The following PHLPP1 variants were observed in gnomAD, a reference collection of about 807,000 sequenced individuals.
PHLPP1 encodes PH domain and leucine rich repeat protein phosphatase 1.
Under a neutral mutation model 117.2 loss-of-function variants are expected in PHLPP1, and 42 were observed. That is an observed-to-expected ratio of 0.36 (90% CI 0.28 to 0.46). The LOEUF (loss-of-function observed/expected upper bound fraction) is 0.46, where lower values mean the gene tolerates loss of function less well. Ranked by LOEUF, PHLPP1 falls within the 20% of genes least tolerant of loss-of-function variation. The pLI is 1.00. For synonymous variants in PHLPP1, 1,042 were observed against 970.7 expected, an observed-to-expected ratio of 1.07 and a Z score of -1.37; for missense variants, 2,084 against 2,241.9, an observed-to-expected ratio of 0.93 and a Z score of 1.42.
intron 4 of PHLPP1, among the ~76,000 whole-genome samples, chr18:62,871,160 A>G (rs1166509845): frequency 6.6e-6 from 1 of 152,158 alleles, no homozygotes; most frequent in Non-Finnish European, 1.5e-5. Context: ...GAAGAAGACA[A>G]CTTTTTGCTG....
At chr18:62,795,510 A>AC (rs1913605116) in intron 1 of PHLPP1, among the ~76,000 whole-genome samples, 1 of 151,564 alleles carries the variant, frequency 6.6e-6, no homozygotes, top group South Asian at 2.1e-4. Flanking sequence ...AAAAAAAAAA[A>AC]AAACAACAAC....
At chr18:62,903,595 C>T (rs1475538924) in intron 7 of PHLPP1, among the ~76,000 whole-genome samples, 1 of 151,858 alleles carries the variant, frequency 6.6e-6, no homozygotes, top group African/African-American at 2.4e-5. Flanking sequence ...AAAGAACTCA[C>T]CTTAATATAA....
At chr18:62,934,564 C>G (rs1909912747) in intron 10 of PHLPP1, among the ~76,000 whole-genome samples, 1 of 152,124 alleles carries the variant, frequency 6.6e-6, no homozygotes, top group Non-Finnish European at 1.5e-5. Context: ...ACTGAGGACT[C>G]TGAAAGAGAT....
chr18:62,760,984 C>T (rs1342148131), intron 1 of PHLPP1, among the ~76,000 whole-genome samples: 1 of 152,100 alleles, frequency 6.6e-6, no homozygotes, highest in Admixed American at 6.5e-5. Flanking sequence ...CTCAGCCTCC[C>T]AAGTAGCTGG....
At position 62,972,851 on chromosome 18, in the gene PHLPP1, G is replaced by T. The variant is rs1046964764; in HGVS notation, c.3755+143G>T. ...ACCAAGATGCATTCAGGCAAGTTTG[G>T]TGTTGCCCAGGCATCAGGAATGGTG... On this transcript the variant is annotated intron_variant, in intron 15 of 16. Transcript: ENST00000262719. The T allele has an allele frequency of 3.5e-5, 23 of 648,854 alleles. No homozygotes were observed. In the African/African-American group the frequency reaches 3.8e-4, roughly 11 times the overall value. The allele number at this position is 648,854 out of a possible 1,614,324, so 40.2% of individuals were successfully genotyped here.
chr18:62,938,938 A>G (rs539325483), intron 10 of PHLPP1, among the ~76,000 whole-genome samples: 1 of 151,908 alleles, frequency 6.6e-6, no homozygotes, highest in South Asian at 2.1e-4. Context: ...GTGTGTGTAT[A>G]ACTACATATT....
In PHLPP1 at chr18:62,945,241, T is replaced by C. The variant is rs776985958; in HGVS notation, c.3294T>C (p.Phe1098=). Residue 1098 remains phenylalanine (F), a synonymous_variant, in exon 12 of 17, where the codon TTT becomes TTC. Coordinates refer to ENST00000262719, the MANE Select transcript of PHLPP1 (RefSeq NM_194449.4). ...VIAHSNCIEV[F]PEVMQLPEIK... is the part of the protein sequence containing the mutation. ...CTCACTCCAACTGCATCGAGGTCTT[T>C]CCCGAAGTTATGCAGCTCCCAGAGA... 8 of 1,606,938 alleles carry C rather than the reference T, an allele frequency of 5.0e-6. No homozygotes were observed. The Admixed American group carries it at 5.1e-5, about 10-fold the overall frequency.
At chr18:62,786,713 A>T (rs1599046870) in intron 1 of PHLPP1, among the ~76,000 whole-genome samples, 1 of 152,210 alleles carries the variant, frequency 6.6e-6, no homozygotes, top group African/African-American at 2.4e-5. Flanking sequence ...CTTGCTTTTA[A>T]TAGTAGCTAC....
intron 16 of PHLPP1, among the ~76,000 whole-genome samples, chr18:62,976,295 AC>A: frequency 6.6e-6 from 1 of 152,112 alleles, no homozygotes; most frequent in Non-Finnish European, 1.5e-5. Context: ...GCTGCTCAAC[AC>A]CCCACAATGC....
At chr18:62,859,103 GAAA>G (rs965656838) in intron 3 of PHLPP1, among the ~76,000 whole-genome samples, 13 of 152,168 alleles carry the variant, frequency 8.5e-5, no homozygotes, top group African/African-American at 3.1e-4. Flanking sequence ...TTTGGTAAAA[GAAA>G]AAGAGATCAG....
chr18:62,721,954 A>T (rs1217237655), intron 1 of PHLPP1, among the ~76,000 whole-genome samples: 3 of 152,216 alleles, frequency 2.0e-5, no homozygotes, highest in African/African-American at 4.8e-5. Context: ...AGCCTAGTAT[A>T]GTCCTTGGCA....
At chr18:62,847,051 A>C (rs1021029186) in intron 3 of PHLPP1, among the ~76,000 whole-genome samples, 8 of 152,232 alleles carry the variant, frequency 5.3e-5, no homozygotes, top group African/African-American at 1.9e-4. Flanking sequence ...AAGTTTTATA[A>C]TCCAGTTTTA....
chr18:62,775,414 C>G (rs1339931790), intron 1 of PHLPP1, among the ~76,000 whole-genome samples: 1 of 152,130 alleles, frequency 6.6e-6, no homozygotes, highest in Non-Finnish European at 1.5e-5. Context: ...ATAAGACATT[C>G]CTTTTCTTTA....
At chr18:62,919,201 C>G (rs751033773) in intron 9 of PHLPP1, among the ~76,000 whole-genome samples, 4 of 152,100 alleles carry the variant, frequency 2.6e-5, no homozygotes, top group African/African-American at 4.8e-5. Context: ...GGCCTGTTTT[C>G]TCTGTAATGT....
rs1910751699 is a variant in PHLPP1, at chr18:62,716,687, C to G, written c.1004C>G (p.Ser335Cys). The change falls in exon 1 of 17, where the codon TCT becomes TGT. Residue 335 changes from serine to cysteine, a missense_variant. Ser to Cys is a moderately radical substitution (Grantham distance 112). Transcript: ENST00000262719. This position sits in a 1 kb window ranked among gnomAD's most constrained non-coding sequence, Gnocchi z 5.7. ...PGEPFVGGPVSSPRAPRPVVS... is the reference protein window; with the variant it reads ...PGEPFVGGPVCSPRAPRPVVS... ...GAGCCGTTCGTTGGGGGCCCTGTCT[C>G]TTCGCCCCGCGCCCCACGGCCTGTG... 6.8e-7 allele frequency: 1 copy of G among 1,472,416 alleles called. No individual in the cohort carries two copies. Among genetic ancestry groups the G allele is most frequent in the African/African-American group, 1.5e-5 (1 of 67,954 alleles). 91.2% of individuals were successfully genotyped at this position (1,472,416 alleles called of 1,614,324 possible). A position where few individuals can be genotyped will look rare whatever the true frequency, so the allele number is the denominator to read the frequency against.
intron 12 of PHLPP1, among the ~76,000 whole-genome samples, chr18:62,952,107 C>T (rs1244580728): frequency 6.6e-6 from 1 of 151,854 alleles, no homozygotes. Flanking sequence ...CGTGAGCCAC[C>T]GCGCCCGGCC....
In PHLPP1 at chr18:62,716,499, G is replaced by T. The variant is rs1910741045; in HGVS notation, c.816G>T (p.Ala272=). The T allele has an allele frequency of 8.3e-7, 1 of 1,203,646 alleles. No individual in the cohort carries two copies. Among genetic ancestry groups the T allele is most frequent in the Non-Finnish European group, 1.0e-6 (1 of 971,758 alleles). 74.6% of individuals were successfully genotyped at this position (1,203,646 alleles called of 1,614,324 possible). Residue 272 remains alanine (A), a synonymous_variant, in exon 1 of 17, where the codon GCG becomes GCT. Transcript: ENST00000262719. This position sits in a 1 kb window ranked among gnomAD's most constrained non-coding sequence, Gnocchi z 5.7. The stretch of plus-strand genomic sequence containing the variant: ...CCCCCGAGGCCGGCCCCCGGCTGGC[G>T]CCCCCGGAGCCGCGGGACTCGGAGG... ...EPPPEAGPRL[A]PPEPRDSEVP... is the part of the protein sequence containing the mutation.
intron 3 of PHLPP1, among the ~76,000 whole-genome samples, chr18:62,854,482 C>T (rs1031852535): frequency 6.6e-6 from 1 of 152,188 alleles, no homozygotes; most frequent in African/African-American, 2.4e-5. Context: ...GTCTCTACTG[C>T]TTCTCCCGAG....
intron 1 of PHLPP1, among the ~76,000 whole-genome samples, chr18:62,818,266 C>T (rs1191053402): frequency 6.6e-6 from 1 of 152,148 alleles, no homozygotes; most frequent in Admixed American, 6.5e-5. Flanking sequence ...CGCAGTGGCT[C>T]ACGCCTGTAA....
Sources: gnomAD v4.1 joint callset for allele counts (sites outside exome capture counted in the v4.1 genomes callset) on GRCh38, gnomAD v4.1.1 for gene constraint, Gnocchi (gnomAD v3.1) non-coding constraint, MANE v1.5 for transcripts, NCBI Gene and HGNC (gene_info 2026-07-23, HGNC 2026-07-21) for gene names.